PIAS1: variants seen among roughly 807,000 people sequenced by gnomAD.
PIAS1 encodes E3 SUMO-protein ligase PIAS1.
A neutral mutation model predicts 71.3 loss-of-function variants in PIAS1; 6 were observed. That is an observed-to-expected ratio of 0.08 (90% confidence interval 0.05 to 0.17). The LOEUF (loss-of-function observed/expected upper bound fraction) is 0.17, where lower values mean the gene tolerates loss of function less well. PIAS1 is among the 10% of genes least tolerant of loss of function. The pLI is 1.00. For missense variants in PIAS1, 555 were observed against 793.6 expected, an observed-to-expected ratio of 0.70 and a Z score of 3.61; for synonymous variants, 303 against 292.9, an observed-to-expected ratio of 1.03 and a Z score of -0.35.
chr15:68,071,712 C>G (rs973705085), intron 1 of PIAS1, among the ~76,000 whole-genome samples: 5 of 151,780 alleles, frequency 3.3e-5, no homozygotes, highest in African/African-American at 1.2e-4. Flanking sequence ...CACCTGTAAT[C>G]CCAGCACTTT....
chr15:68,085,177 A>G (rs1022278214), intron 1 of PIAS1, among the ~76,000 whole-genome samples: 3 of 152,194 alleles, frequency 2.0e-5, no homozygotes, highest in African/African-American at 7.2e-5. Context: ...TGAAGGAATT[A>G]GTTGGAGAAA....
chr15:68,161,661 G>T (rs1221081397), intron 7 of PIAS1, among the ~76,000 whole-genome samples: 1 of 151,980 alleles, frequency 6.6e-6, no homozygotes, highest in Non-Finnish European at 1.5e-5. Context: ...TGCCAGCATG[G>T]TGGCTATGCC....
chr15:68,056,831 A>G (rs920173122), intron 1 of PIAS1, among the ~76,000 whole-genome samples: 4 of 152,196 alleles, frequency 2.6e-5, no homozygotes, highest in Non-Finnish European at 5.9e-5. Context: ...CCTTTTGGAA[A>G]TGATATTTTC....
chr15:68,158,592 T>G (rs148474879), intron 7 of PIAS1, among the ~76,000 whole-genome samples: 395 of 152,304 alleles, frequency 2.6e-3, no homozygotes, highest in Non-Finnish European at 3.5e-3. Flanking sequence ...GAATTCCTAT[T>G]GCTCAGCACA....
intron 2 of PIAS1, among the ~76,000 whole-genome samples, chr15:68,090,030 C>G (rs1040025269): frequency 2.0e-5 from 3 of 151,802 alleles, no homozygotes; most frequent in Admixed American, 6.6e-5. Flanking sequence ...CAGACACGTG[C>G]CACCATGACT....
chr15:68,120,801 C>T (rs1309604758), intron 2 of PIAS1, among the ~76,000 whole-genome samples: 1 of 152,028 alleles, frequency 6.6e-6, no homozygotes, highest in Non-Finnish European at 1.5e-5. Flanking sequence ...ATTACAGGCA[C>T]CCGCCACCAC....
chr15:68,163,275 G>A (rs1482734114), intron 7 of PIAS1, among the ~76,000 whole-genome samples: 1 of 152,174 alleles, frequency 6.6e-6, no homozygotes, highest in Non-Finnish European at 1.5e-5. Flanking sequence ...CATACTTTTT[G>A]TAATTTATAT....
At chr15:68,180,044 A>C (rs890450304) in intron 11 of PIAS1, among the ~76,000 whole-genome samples, 2 of 152,106 alleles carry the variant, frequency 1.3e-5, no homozygotes, top group African/African-American at 4.8e-5. Context: ...TATAACCCTT[A>C]TGTTTCCTTC....
chr15:68,181,353 A>G lies in PIAS1; in HGVS notation c.1623A>G (p.Gln541=). Reference sequence around the variant, plus strand: ...TGACACCCATGCCTTACGACTTACAAGGTGAGTCACTGGTTCTTCTACATT... The same window carrying G: ...TGACACCCATGCCTTACGACTTACAGGGTGAGTCACTGGTTCTTCTACATT... ...FHMTPMPYDL[Q]GLDFFPFLSG... is the part of the protein sequence containing the mutation. Residue 541 remains glutamine, a splice_region_variant and synonymous_variant, in exon 12 of 14, where the codon CAA becomes CAG. Coordinates refer to ENST00000249636, the MANE Select transcript of PIAS1 (RefSeq NM_016166.3). 6.2e-7 allele frequency: 1 copy of G among 1,613,196 alleles called. No individual in the cohort carries two copies. Among genetic ancestry groups the G allele is most frequent in the South Asian group, 1.1e-5 (1 of 91,058 alleles).
chr15:68,065,841 A>T (rs1386150474), intron 1 of PIAS1, among the ~76,000 whole-genome samples: 1 of 142,802 alleles, frequency 7.0e-6, no homozygotes, highest in Non-Finnish European at 1.5e-5. Context: ...CCTGGGCTCA[A>T]ATGATCCTTC....
At chr15:68,105,398 T>A (rs943546811) in intron 2 of PIAS1, among the ~76,000 whole-genome samples, 4 of 93,522 alleles carry the variant, frequency 4.3e-5, no homozygotes, top group Admixed American at 1.2e-4. Flanking sequence ...GAAGTCAATT[T>A]CAAGTCAAGA....
At chr15:68,183,580 G>T in intron 12 of PIAS1, 50 bp from the exon 13 acceptor site, 1 of 754,410 alleles carries the variant, frequency 1.3e-6, no homozygotes, top group South Asian at 1.6e-5. Flanking sequence ...GCATTTGGAA[G>T]AGTTTTTCCT....
At chr15:68,075,662 A>G (rs993177398) in intron 1 of PIAS1, among the ~76,000 whole-genome samples, 1 of 152,096 alleles carries the variant, frequency 6.6e-6, no homozygotes, top group African/African-American at 2.4e-5. Context: ...TAGGCTTCTG[A>G]TGGAATTTTA....
chr15:68,112,836 C>G (rs1178159237), intron 2 of PIAS1, among the ~76,000 whole-genome samples: 1 of 82,920 alleles, frequency 1.2e-5, no homozygotes, highest in Admixed American at 1.5e-4. Context: ...CTTGCCCATT[C>G]TGTTTCTAAG....
chr15:68,186,394 G>A lies in PIAS1; in HGVS notation c.1663-1148G>A, dbSNP rs2093087769. 6.6e-6 allele frequency among the ~76,000 whole-genome samples: 1 copy of A among 152,076 alleles called. No homozygotes were observed. The highest frequency in any genetic ancestry group is 1.5e-5 in the Non-Finnish European group (1 of 68,008). On this transcript the variant is annotated intron_variant, in intron 13 of 13. Coordinates refer to ENST00000249636, the MANE Select transcript of PIAS1 (RefSeq NM_016166.3). This position sits in a 1 kb window ranked among gnomAD's most constrained non-coding sequence, Gnocchi z 4.4. The stretch of plus-strand genomic sequence containing the variant: ...ACTTACAGAATAAGGATATAAAGAA[G>A]GAAATATTTTTGTTCAGCTGTACAA...
intron 2 of PIAS1, among the ~76,000 whole-genome samples, chr15:68,109,877 A>G (rs2092507082): frequency 6.6e-6 from 1 of 152,184 alleles, no homozygotes; most frequent in African/African-American, 2.4e-5. Flanking sequence ...TTTGTATACC[A>G]TTGGTTTACA....
intron 2 of PIAS1, among the ~76,000 whole-genome samples, chr15:68,095,870 C>T (rs2092370905): frequency 2.6e-5 from 4 of 152,030 alleles, no homozygotes. Context: ...TGCAGCAGAC[C>T]CCAATAGCTC....
chr15:68,100,900 GT>G (rs10713308), intron 2 of PIAS1, among the ~76,000 whole-genome samples: 133,223 of 138,234 alleles, frequency 0.96, 64,170 homozygotes, highest in Middle Eastern at 0.99. Flanking sequence ...TTTTTGTTTT[GT>G]TTTTTTTTTT....
chr15:68,142,286 C>G lies in PIAS1; in HGVS notation c.555-4C>G, dbSNP rs2092776007. On this transcript the variant is annotated splice_polypyrimidine_tract_variant and splice_region_variant and intron_variant, in intron 3 of 13. Transcript: ENST00000249636. ...AATTGTAATTCCTATTCTGTCTCTT[C>G]TAGGGATATTTCTGGGACCAAATGT... 1.9e-6 allele frequency: 3 copies of G among 1,601,096 alleles called. No homozygotes were observed. The highest frequency in any genetic ancestry group is 2.6e-6 in the Non-Finnish European group (3 of 1,169,064).
Sources: allele counts gnomAD v4.1 joint callset (sites outside exome capture counted in the v4.1 genomes callset), GRCh38; gene constraint gnomAD v4.1.1; non-coding constraint Gnocchi (gnomAD v3.1); transcripts MANE v1.5; gene names NCBI Gene and HGNC (gene_info 2026-07-23, HGNC 2026-07-21).